Variants in STAMBPL1 observed in about 807,000 individuals in gnomAD.
STAMBPL1 encodes the protein AMSH-like protease.
Under a neutral mutation model 52.9 loss-of-function variants are expected in STAMBPL1, and 44 were observed. The observed-to-expected ratio is 0.83, with a 90% CI of 0.65 to 1.07. STAMBPL1 has a LOEUF of 1.07. Ranked by LOEUF, STAMBPL1 falls within the 50% of genes least tolerant of loss-of-function variation. STAMBPL1 has a pLI of 0.00. For missense variants in STAMBPL1, 511 were observed against 520.8 expected (o/e 0.98, Z 0.18); for synonymous variants, 164 against 177.3 (o/e 0.92, Z 0.60).
intron 2 of STAMBPL1, among the ~76,000 whole-genome samples, 167 bp from the exon 3 acceptor site, chr10:88,905,276 A>G (rs1229472801): frequency 6.6e-6 from 1 of 152,216 alleles, no homozygotes; most frequent in Non-Finnish European, 1.5e-5. Context: ...TGTATAAAGC[A>G]TGTTTAAGCA....
At chr10:88,905,088 C>A (rs1425584001) in intron 2 of STAMBPL1, among the ~76,000 whole-genome samples, 1 of 152,094 alleles carries the variant, frequency 6.6e-6, no homozygotes, top group African/African-American at 2.4e-5. Context: ...ATCTTATGAC[C>A]TGCTTCAGAT....
Position 88,923,272 on chromosome 10 carries a change from C to A in STAMBPL1, c.*48C>A. The stretch of plus-strand genomic sequence containing the variant: ...TCAACATCAGACACCTACTCATGGA[C>A]ATGTGGTTGCCGGATTTTCTTAAGA... On this transcript the variant is annotated 3_prime_UTR_variant, in exon 11 of 11. Coordinates refer to ENST00000371926, the MANE Select transcript of STAMBPL1 (RefSeq NM_020799.4). 6.5e-7 allele frequency: 1 copy of A among 1,535,086 alleles called. No homozygotes were observed. The highest frequency in any genetic ancestry group is 8.7e-7 in the Non-Finnish European group (1 of 1,148,762).
Position 88,914,589 on chromosome 10 carries a change from A to G in STAMBPL1, c.834A>G (p.Lys278=). 1 of 1,540,234 alleles carries G rather than the reference A, an allele frequency of 6.5e-7. No homozygotes were observed. Among genetic ancestry groups the G allele is most frequent in the Non-Finnish European group, 8.8e-7 (1 of 1,141,170 alleles). The change falls in exon 7 of 11, where the codon AAA becomes AAG. Residue 278 remains lysine (K), a synonymous_variant. Coordinates refer to ENST00000371926, the MANE Select transcript of STAMBPL1 (RefSeq NM_020799.4). ...CVVLPEDLCH[K]FLQLAESNTV... is the part of the protein sequence containing the mutation. ...TTTTGCCAGAAGATCTTTGCCACAA[A>G]TTTCTGCAACTGGCAGAATCTAATA...
At position 88,905,500 on chromosome 10, in the gene STAMBPL1, G is replaced by C. The variant is rs375222641; in HGVS notation, c.88G>C (p.Val30Leu). ...TGTTTCCCTAAGCCCAGAAGAGCGA[G>C]TCCGTGCCCTAAGCAAGCTTGGTTG... Reference protein sequence around the residue: ...TDVSLSPEERVRALSKLGCNI... With the variant: ...TDVSLSPEERLRALSKLGCNI... Residue 30 changes from valine (V) to leucine (L), a missense_variant, in exon 3 of 11, where the codon GTC (valine) becomes CTC (leucine). By Grantham distance (32) the Val-to-Leu change is conservative. Coordinates refer to ENST00000371926, the MANE Select transcript of STAMBPL1 (RefSeq NM_020799.4). The C allele has an allele frequency of 6.2e-7, 1 of 1,613,998 alleles. No homozygotes were observed. Among genetic ancestry groups the C allele is most frequent in the Non-Finnish European group, 8.5e-7 (1 of 1,180,008 alleles).
chr10:88,914,656 C>A lies in STAMBPL1; in HGVS notation c.901C>A (p.Leu301Met), dbSNP rs1475098451. ...AACCTGTGGAATACTCTGTGGAAAA[C>A]TGGTATGATCTTTTTATATAAATAT... ...IETCGILCGKLTHNEFTITHV... is the reference protein window; with the variant it reads ...IETCGILCGKMTHNEFTITHV... Residue 301 changes from leucine to methionine, a missense_variant and splice_region_variant, in exon 7 of 11, where the codon CTG (leucine) becomes ATG (methionine). Physicochemically the swap from Leu to Met is conservative, Grantham distance 15 (BLOSUM62 2). Transcript: ENST00000371926. 7.6e-7 allele frequency: 1 copy of A among 1,307,220 alleles called. No homozygotes were observed. Among genetic ancestry groups the A allele is most frequent in the Non-Finnish European group, 1.0e-6 (1 of 1,001,252 alleles). The allele number at this position is 1,307,220 out of a possible 1,614,324, so 81.0% of individuals were successfully genotyped here.
intron 2 of STAMBPL1, 151 bp downstream of exon 2, chr10:88,901,889 T>C: frequency 1.5e-6 from 1 of 688,884 alleles, no homozygotes; most frequent in Admixed American, 3.1e-5. Context: ...TTTGAGGAAG[T>C]GACTAATAAA....
Position 88,908,731 on chromosome 10 carries a change from G to A in STAMBPL1, c.278G>A (p.Arg93Gln), listed in dbSNP as rs181446155. ...TTTGTAGAAAAGCTTCCTAACCATCGAGATTACCAGCAATGTGCAGTACCT... is the reference window on the plus strand; with the variant it reads ...TTTGTAGAAAAGCTTCCTAACCATCAAGATTACCAGCAATGTGCAGTACCT... Reference protein sequence around the residue: ...TLFVEKLPNHRDYQQCAVPEK... With the variant: ...TLFVEKLPNHQDYQQCAVPEK... The change falls in exon 4 of 11, where the codon CGA (arginine) becomes CAA (glutamine). Residue 93 changes from arginine to glutamine, a missense_variant. This residue lies in a region of STAMBPL1 where 358 missense variants were observed against 343.5 expected (regional missense o/e 1.04). Coordinates refer to ENST00000371926, the MANE Select transcript of STAMBPL1 (RefSeq NM_020799.4). 40 of 1,609,508 alleles carry A rather than the reference G, an allele frequency of 2.5e-5. No individual in the cohort carries two copies. In the East Asian group the frequency reaches 6.5e-4, roughly 26 times the overall value.
chr10:88,898,765 C>T (rs1214322200), intron 1 of STAMBPL1, among the ~76,000 whole-genome samples: 1 of 152,174 alleles, frequency 6.6e-6, no homozygotes, highest in East Asian at 1.9e-4. Flanking sequence ...GCATTGTTTT[C>T]TGGTCACCCA....
intron 1 of STAMBPL1, among the ~76,000 whole-genome samples, chr10:88,896,741 C>G (rs571361792): frequency 6.6e-6 from 1 of 152,012 alleles, no homozygotes; most frequent in Non-Finnish European, 1.5e-5. Context: ...CTTAGGAGAC[C>G]GTTCACTGCC....
At chr10:88,893,471 G>A (rs1247139700) in intron 1 of STAMBPL1, among the ~76,000 whole-genome samples, 1 of 152,154 alleles carries the variant, frequency 6.6e-6, no homozygotes, top group Non-Finnish European at 1.5e-5. Flanking sequence ...GCTGGGCACG[G>A]TGGCTCACAC....
At chr10:88,892,133 A>G (rs899906592) in intron 1 of STAMBPL1, among the ~76,000 whole-genome samples, 1 of 152,224 alleles carries the variant, frequency 6.6e-6, no homozygotes, top group Non-Finnish European at 1.5e-5. Flanking sequence ...CACTTCAGAG[A>G]GGCCAAGGCA....
rs1394269143 is a variant in STAMBPL1 at position 88,921,285 on chromosome 10, A to C, written c.1044A>C (p.Thr348=). Residue 348 remains threonine, a splice_region_variant and synonymous_variant, in exon 9 of 11, where the codon ACA becomes ACC. Transcript: ENST00000371926. ...ATTATCTTATTTTCTATTTATAGAC[A>C]CATCCCACTCAAACTGCATTTTTAT... is the stretch of plus-strand genomic sequence containing the variant. The part of the protein sequence containing the change: ...HDLLTLGWIH[T]HPTQTAFLSS... 1 of 1,611,228 alleles carries C rather than the reference A, an allele frequency of 6.2e-7. No individual in the cohort carries two copies. Among genetic ancestry groups the C allele is most frequent in the African/African-American group, 1.3e-5 (1 of 74,832 alleles).
chr10:88,909,912 T>C (rs1275265747), intron 4 of STAMBPL1, among the ~76,000 whole-genome samples: 3 of 152,202 alleles, frequency 2.0e-5, no homozygotes, highest in Admixed American at 2.0e-4. Context: ...ACTTTTTTAA[T>C]GTCTACAGTC....
chr10:88,918,308 C>CACACACACACACACACAT (rs1554839221), intron 8 of STAMBPL1, among the ~76,000 whole-genome samples: 9 of 144,940 alleles, frequency 6.2e-5, no homozygotes, highest in African/African-American at 2.4e-4. Context: ...CACACACATA[C>CACACACACACACACACAT]ACACACACAC....
At chr10:88,901,558 G>C in intron 1 of STAMBPL1, 98 bp from the exon 2 acceptor site, 1 of 619,444 alleles carries the variant, frequency 1.6e-6, no homozygotes, top group Non-Finnish European at 2.8e-6. Flanking sequence ...ATTTCAATTT[G>C]TTCCTGTTTG....
rs765958869 is a variant in STAMBPL1, at chr10:88,913,372, A to G, written c.692A>G (p.Asn231Ser). 1 of 1,613,848 alleles carries G rather than the reference A, an allele frequency of 6.2e-7. No individual in the cohort carries two copies. Among genetic ancestry groups the G allele is most frequent in the Non-Finnish European group, 8.5e-7 (1 of 1,179,834 alleles). Residue 231 changes from asparagine (N) to serine (S), a missense_variant, in exon 6 of 11, where the codon AAT becomes AGT. Around this residue, in one of 3 missense-constraint regions of STAMBPL1, gnomAD observed 358 missense variants for 343.5 expected, o/e 1.04. Coordinates refer to ENST00000371926, the MANE Select transcript of STAMBPL1 (RefSeq NM_020799.4). ...CTGAATGTATTTGCAGATCAACCTA[A>G]TAAAAGTGATGCAACCAATTATGCT... Reference protein sequence around the residue: ...SLLNVFADQPNKSDATNYASH... With the variant: ...SLLNVFADQPSKSDATNYASH...
intron 1 of STAMBPL1, among the ~76,000 whole-genome samples, chr10:88,892,781 G>A (rs548411199): frequency 6.6e-6 from 1 of 152,276 alleles, no homozygotes; most frequent in Admixed American, 6.5e-5. Context: ...GCCCTCTTTT[G>A]CTTTTGAATA....
At chr10:88,882,625 G>A (rs1475038639) in intron 1 of STAMBPL1, 1 of 152,168 alleles carries the variant, frequency 6.6e-6, no homozygotes, top group Non-Finnish European at 1.5e-5. Context: ...CTTTCCTGGT[G>A]GGTACATTTA....
At chr10:88,913,046 G>C in intron 5 of STAMBPL1, 55 bp from the exon 6 acceptor site, 1 of 1,437,762 alleles carries the variant, frequency 7.0e-7, no homozygotes, top group Non-Finnish European at 9.4e-7. Context: ...TCTAATTCCA[G>C]TTCAATGTTT....
Sources: gnomAD v4.1 joint callset for allele counts (sites outside exome capture counted in the v4.1 genomes callset) on GRCh38, gnomAD v4.1.1 for gene constraint, gnomAD v4.1.1 regional missense constraint, MANE v1.5 for transcripts, NCBI Gene and HGNC (gene_info 2026-07-23, HGNC 2026-07-21) for gene names.